Variants in KDR observed in about 807,000 individuals in gnomAD.
KDR encodes kinase insert domain receptor.
KDR carries 43 observed loss-of-function variants against 160.9 expected under a neutral mutation model. The ratio of observed to expected loss-of-function variants is 0.27; its 90% CI spans 0.21 to 0.34. The LOEUF (loss-of-function observed/expected upper bound fraction) is 0.34, where lower values mean the gene tolerates loss of function less well. Among genes scored for constraint, KDR ranks in the 10% least tolerant of loss-of-function variants. The pLI is 1.00. For synonymous variants in KDR, 617 were observed against 600.1 expected (o/e 1.03, Z -0.41); for missense variants, 1,469 against 1,666.4 (o/e 0.88, Z 2.06).
rs1049058284 is a variant in KDR at position 55,088,762 on chromosome 4, A to G, written c.3510+106T>C. 1.3e-5 allele frequency: 10 copies of G among 766,096 alleles called. No individual in the cohort carries two copies. The African/African-American group carries it at 1.7e-4, about 13-fold the overall frequency. The allele number at this position is 766,096 out of a possible 1,614,324, so 47.5% of individuals were successfully genotyped here. Reference sequence around the variant, plus strand: ...TGTAGAAGAATACAGTAGATTATTCAATGGCTGAGAGGATGGCATGGTAGC... The same window carrying G: ...TGTAGAAGAATACAGTAGATTATTCGATGGCTGAGAGGATGGCATGGTAGC... On this transcript the variant is annotated intron_variant, in intron 26 of 29. Transcript: ENST00000263923.
chr4:55,098,835 G>A (rs751379630), intron 15 of KDR, 32 bp from the exon 16 acceptor site: 1 of 1,475,640 alleles, frequency 6.8e-7, no homozygotes, highest in East Asian at 2.3e-5. Context: ...AGTATCAACA[G>A]TTGGAAACTT....
At chr4:55,087,509 A>G (rs559322168) in intron 27 of KDR, 98 bp downstream of exon 27, 1 of 1,101,748 alleles carries the variant, frequency 9.1e-7, no homozygotes, top group East Asian at 2.4e-5. Context: ...AGTGGGATGC[A>G]ACAGCCTTAG....
chr4:55,100,914 C>T (rs778579166), intron 15 of KDR, among the ~76,000 whole-genome samples: 21 of 151,956 alleles, frequency 1.4e-4, no homozygotes, highest in Admixed American at 4.6e-4. Context: ...AAAAAAAAAG[C>T]CATAGGAATA....
In KDR at chr4:55,125,299, A is replaced by C. The variant is rs771139989; in HGVS notation, c.-6T>G. On this transcript the variant is annotated 5_prime_UTR_variant, in exon 1 of 30. Transcript: ENST00000263923. ...AGCAGCACCTTGCTCTGCATCCTGC[A>C]CCTCGAGCCGGGCGAAATGCCCAGA... 15 of 1,609,884 alleles carry C rather than the reference A, an allele frequency of 9.3e-6. No individual in the cohort carries two copies. Among genetic ancestry groups the C allele is most frequent in the Admixed American group, 6.7e-5 (4 of 59,592 alleles).
intron 3 of KDR, among the ~76,000 whole-genome samples, chr4:55,117,810 A>T (rs996768802): frequency 6.6e-6 from 1 of 152,246 alleles, no homozygotes; most frequent in Non-Finnish European, 1.5e-5. Flanking sequence ...CAGCCCTTAC[A>T]TTCCTTAAAT....
intron 15 of KDR, 146 bp from the exon 16 acceptor site, chr4:55,098,949 G>A: frequency 1.9e-6 from 1 of 517,400 alleles, no homozygotes; most frequent in Non-Finnish European, 3.6e-6. Context: ...CCCGTAACTT[G>A]AATGGAGTCT....
intron 1 of KDR, among the ~76,000 whole-genome samples, chr4:55,122,300 A>G (rs887251247): frequency 6.6e-6 from 1 of 152,190 alleles, no homozygotes; most frequent in Admixed American, 6.5e-5. Context: ...ATTGTCCACT[A>G]TGCTAGGGTC....
At chr4:55,120,387 T>C (rs952597115) in intron 2 of KDR, among the ~76,000 whole-genome samples, 16 of 152,282 alleles carry the variant, frequency 1.1e-4, no homozygotes, top group African/African-American at 3.6e-4. Context: ...AAGGGTCTTC[T>C]ATCTTTCGTC....
chr4:55,084,096 C>T (rs971835395), intron 27 of KDR, among the ~76,000 whole-genome samples: 3 of 152,146 alleles, frequency 2.0e-5, no homozygotes, highest in African/African-American at 7.2e-5. Context: ...GTATTACTAT[C>T]CCAACTCTTC....
chr4:55,086,189 A>C (rs1019944199), intron 27 of KDR, among the ~76,000 whole-genome samples: 1 of 152,206 alleles, frequency 6.6e-6, no homozygotes, highest in Non-Finnish European at 1.5e-5. Flanking sequence ...TAGGGGTCAG[A>C]GGAACTGGAT....
chr4:55,086,973 T>C (rs928525939), intron 27 of KDR, among the ~76,000 whole-genome samples: 16 of 152,196 alleles, frequency 1.1e-4, no homozygotes, highest in African/African-American at 3.9e-4. Context: ...CACCAACTCT[T>C]TCCTTATGCA....
chr4:55,124,741 G>C (rs1490675091), intron 1 of KDR, among the ~76,000 whole-genome samples: 1 of 152,126 alleles, frequency 6.6e-6, no homozygotes, highest in Non-Finnish European at 1.5e-5. Flanking sequence ...AGACAACAAC[G>C]GGCCGGGTCC....
At position 55,125,283 on chromosome 4, in the gene KDR, T is replaced by G; in HGVS notation, c.11A>C (p.Lys4Thr). The G allele has an allele frequency of 6.2e-7, 1 of 1,612,572 alleles. No homozygotes were observed. Among genetic ancestry groups the G allele is most frequent in the Non-Finnish European group, 8.5e-7 (1 of 1,179,676 alleles). Reference sequence around the variant, plus strand: ...CCACAGGGCGACGGCCAGCAGCACCTTGCTCTGCATCCTGCACCTCGAGCC... The same window carrying G: ...CCACAGGGCGACGGCCAGCAGCACCGTGCTCTGCATCCTGCACCTCGAGCC... Reference protein sequence around the residue: MQSKVLLAVALWLC... With the variant: MQSTVLLAVALWLC... Residue 4 changes from lysine (K) to threonine (T), a missense_variant, in exon 1 of 30, where the codon AAG becomes ACG. Lys to Thr is a moderately conservative substitution (Grantham distance 78, BLOSUM62 -1). Coordinates refer to ENST00000263923, the MANE Select transcript of KDR (RefSeq NM_002253.4).
At position 55,094,937 on chromosome 4, in the gene KDR, G is replaced by A. The variant is rs371148535; in HGVS notation, c.2836C>T (p.Arg946Cys). ...VPYKTKGARF[R>C]QGKDYVGAIP... is the part of the protein sequence containing the mutation. ...GCTCCAACGTAGTCTTTCCCTTGACGGAATCGTGCCCCTTTGGTCTATAAA... is the reference window on the plus strand; with the variant it reads ...GCTCCAACGTAGTCTTTCCCTTGACAGAATCGTGCCCCTTTGGTCTATAAA... Residue 946 changes from arginine (R) to cysteine (C), a missense_variant, in exon 21 of 30, where the codon CGT becomes TGT. By Grantham distance (180) the Arg-to-Cys change is radical. Transcript: ENST00000263923. 28 of 1,613,796 alleles carry A rather than the reference G, an allele frequency of 1.7e-5. No individual in the cohort carries two copies. The highest frequency in any genetic ancestry group is 5.3e-5 in the African/African-American group (4 of 74,896).
Position 55,096,283 on chromosome 4 carries a change from T to G in KDR, c.2674A>C (p.Ile892Leu). ...TTGACCACATTGAGATGGTGACCAA[T>G]ATGAATGAGGATCTTGAGTTCAGAC... ...LMSELKILIH[I>L]GHHLNVVNLL... The change falls in exon 19 of 30, where the codon ATT becomes CTT. Residue 892 changes from isoleucine to leucine, a missense_variant. By Grantham distance (5) the Ile-to-Leu change is conservative (BLOSUM62 2). Transcript: ENST00000263923. 2 of 1,613,786 alleles carry G rather than the reference T, an allele frequency of 1.2e-6. No individual in the cohort carries two copies. Among genetic ancestry groups the G allele is most frequent in the South Asian group, 2.2e-5 (2 of 91,070 alleles).
In KDR at chr4:55,125,335, C is replaced by A; in HGVS notation, c.-42G>T. On this transcript the variant is annotated 5_prime_UTR_variant, in exon 1 of 30. Coordinates refer to ENST00000263923, the MANE Select transcript of KDR (RefSeq NM_002253.4). ...GGCGAAATGCCCAGAACTCGGGAGC[C>A]GGTTCTTTCTCCCAGCGCCTGTCTA... 6.3e-7 allele frequency: 1 copy of A among 1,582,676 alleles called. No homozygotes were observed. The highest frequency in any genetic ancestry group is 1.1e-5 in the South Asian group (1 of 87,112).
chr4:55,111,115 A>T (rs1356159539), intron 7 of KDR, among the ~76,000 whole-genome samples: 1 of 152,144 alleles, frequency 6.6e-6, no homozygotes, highest in African/African-American at 2.4e-5. Context: ...GACAGCCTCC[A>T]CACACCTCTT....
intron 6 of KDR, 145 bp from the exon 7 acceptor site, chr4:55,113,626 A>G (rs1720653169): frequency 1.4e-6 from 1 of 700,368 alleles, no homozygotes; most frequent in Non-Finnish European, 2.4e-6. Flanking sequence ...AACCTCATGC[A>G]GACAACAAAT....
intron 27 of KDR, among the ~76,000 whole-genome samples, chr4:55,086,173 T>C (rs893063947): frequency 2.6e-5 from 4 of 152,200 alleles, no homozygotes; most frequent in Non-Finnish European, 4.4e-5. Context: ...GGAAACAACA[T>C]GGACTTAGGG....
Sources: gnomAD v4.1 joint callset for allele counts (sites outside exome capture counted in the v4.1 genomes callset) on GRCh38, gnomAD v4.1.1 for gene constraint, MANE v1.5 for transcripts, NCBI Gene and HGNC (gene_info 2026-07-23, HGNC 2026-07-21) for gene names.